CAST: variants seen among roughly 807,000 people sequenced by gnomAD.
CAST encodes the protein calpastatin.
A neutral mutation model predicts 119.6 loss-of-function variants in CAST; 76 were observed. The ratio of observed to expected loss-of-function variants is 0.64; its 90% confidence interval spans 0.53 to 0.77. The LOEUF (loss-of-function observed/expected upper bound fraction) is 0.77. Ranked by LOEUF, CAST falls within the 30% of genes least tolerant of loss-of-function variation. CAST has a pLI of 0.00. For synonymous variants in CAST, 319 were observed against 331.6 expected (o/e 0.96, Z 0.41); for missense variants, 953 against 946.5 (o/e 1.01, Z -0.09).
At chr5:96,167,667 G>C in the CAST span, among the ~76,000 whole-genome samples, 1 of 152,184 alleles carries the variant, frequency 6.6e-6, no homozygotes, top group African/African-American at 2.4e-5. Flanking sequence ...TTATCAGACT[G>C]TATAGAGGTG....
intron 1 of CAST, among the ~76,000 whole-genome samples, chr5:96,646,104 A>G (rs922302402): frequency 6.6e-6 from 1 of 152,074 alleles, no homozygotes; most frequent in Admixed American, 6.5e-5. Flanking sequence ...ATTACATTAC[A>G]AAGATAAAAA....
chr5:96,626,125 C>T (rs10515240), intron 1 of CAST, among the ~76,000 whole-genome samples: 17,362 of 152,156 alleles, frequency 0.11, 1,394 homozygotes, highest in East Asian at 0.29. Flanking sequence ...TCTGCTTCTC[C>T]AATAAGGACT....
the CAST span, among the ~76,000 whole-genome samples, chr5:96,248,259 C>T: frequency 1.3e-5 from 2 of 152,208 alleles, no homozygotes; most frequent in African/African-American, 4.8e-5. Context: ...ACTTGATGCA[C>T]ACTGGCTGAG....
chr5:96,215,999 G>T, the CAST span, among the ~76,000 whole-genome samples: 27 of 152,146 alleles, frequency 1.8e-4, no homozygotes, highest in Admixed American at 6.5e-4. Context: ...GTAGAGATGG[G>T]TTTTTTCCAT....
At chr5:96,162,646 G>A in the CAST span, among the ~76,000 whole-genome samples, 1 of 152,114 alleles carries the variant, frequency 6.6e-6, no homozygotes, top group Non-Finnish European at 1.5e-5. Flanking sequence ...TCGAACTCCT[G>A]ACCCGAGGTA....
chr5:96,492,930 G>A, the CAST span, among the ~76,000 whole-genome samples: 1 of 152,206 alleles, frequency 6.6e-6, no homozygotes, highest in African/African-American at 2.4e-5. Flanking sequence ...ATAACAGGAC[G>A]ATTGACTTGG....
intron 1 of CAST, among the ~76,000 whole-genome samples, chr5:96,620,774 A>G (rs113303518): frequency 3.7e-4 from 56 of 152,346 alleles, no homozygotes; most frequent in African/African-American, 9.4e-4. Context: ...GCTTAAATGT[A>G]TTGGCATAGC....
chr5:96,437,593 A>AAT, the CAST span, among the ~76,000 whole-genome samples: 3 of 152,198 alleles, frequency 2.0e-5, no homozygotes, highest in Non-Finnish European at 4.4e-5. Flanking sequence ...AGTGACCTTG[A>AAT]ATATTATACA....
At position 96,736,232 on chromosome 5, in the gene CAST, T is replaced by A. The variant is rs1253612716; in HGVS notation, c.691T>A (p.Ser231Thr). 5 of 1,607,012 alleles carry A rather than the reference T, an allele frequency of 3.1e-6. No homozygotes were observed. Among genetic ancestry groups the A allele is most frequent in the Non-Finnish European group, 8.5e-7 (1 of 1,174,356 alleles). The change falls in exon 10 of 32, where the codon TCG (serine) becomes ACG (threonine). Residue 231 changes from serine (S) to threonine (T), a missense_variant. Physicochemically the swap from Ser to Thr is moderately conservative, Grantham distance 58. Transcript: ENST00000675179. ...VPVESKPDKPSGKSGMDAALD... is the reference protein window; with the variant it reads ...VPVESKPDKPTGKSGMDAALD... ...AGTTGAATCTAAACCGGATAAACCATCGGGAAAGGTATGAAGACAACAGTG... is the reference window on the plus strand; with the variant it reads ...AGTTGAATCTAAACCGGATAAACCAACGGGAAAGGTATGAAGACAACAGTG...
At chr5:96,101,126 G>C in the CAST span, among the ~76,000 whole-genome samples, 1 of 152,258 alleles carries the variant, frequency 6.6e-6, no homozygotes, top group African/African-American at 2.4e-5. Context: ...GCCCAGGATG[G>C]TCTTAAACTC....
At chr5:96,085,866 A>G in the CAST span, among the ~76,000 whole-genome samples, 2 of 152,302 alleles carry the variant, frequency 1.3e-5, no homozygotes, top group Non-Finnish European at 2.9e-5. Flanking sequence ...TCCAGAACTC[A>G]TTTACAGTAT....
the CAST span, among the ~76,000 whole-genome samples, chr5:96,066,470 G>C: frequency 6.9e-6 from 1 of 145,620 alleles, no homozygotes; most frequent in South Asian, 2.2e-4. Flanking sequence ...TCTCTAGCTT[G>C]TTTTGAGCCA....
the CAST span, among the ~76,000 whole-genome samples, chr5:96,409,699 A>G: frequency 6.6e-6 from 1 of 152,222 alleles, no homozygotes; most frequent in African/African-American, 2.4e-5. Flanking sequence ...GGCTCTGAAG[A>G]CAAGTGGGGC....
intron 9 of CAST, among the ~76,000 whole-genome samples, chr5:96,735,599 G>A (rs926201208): frequency 2.6e-5 from 4 of 152,220 alleles, no homozygotes; most frequent in Admixed American, 2.6e-4. Flanking sequence ...GGTGGCAATG[G>A]GGAGGGAGAG....
chr5:96,108,750 ACC>A, the CAST span, among the ~76,000 whole-genome samples: 6 of 152,228 alleles, frequency 3.9e-5, no homozygotes, highest in Non-Finnish European at 1.5e-5. Context: ...GGTGGGCTCC[ACC>A]CAGTTGGAGC....
At chr5:96,600,498 C>T (rs903663029) in intron 1 of CAST, among the ~76,000 whole-genome samples, 2 of 152,034 alleles carry the variant, frequency 1.3e-5, no homozygotes, top group East Asian at 3.9e-4. Flanking sequence ...GTCACAGAAA[C>T]GGAGAAAGAG....
the CAST span, among the ~76,000 whole-genome samples, chr5:96,256,710 C>G: frequency 6.6e-6 from 1 of 151,568 alleles, no homozygotes; most frequent in African/African-American, 2.4e-5. Flanking sequence ...TGCAGTTGAT[C>G]GAAATGTCAT....
chr5:96,118,868 T>C, the CAST span, among the ~76,000 whole-genome samples: 2 of 152,038 alleles, frequency 1.3e-5, no homozygotes, highest in East Asian at 1.9e-4. Flanking sequence ...GTGACTCTTT[T>C]AGCTAAGTTC....
the CAST span, among the ~76,000 whole-genome samples, chr5:96,322,699 T>C: frequency 4.6e-5 from 7 of 152,184 alleles, no homozygotes; most frequent in South Asian, 2.1e-4. Context: ...GAGACCCCAT[T>C]GTTTGCTTTT....
Sources: gnomAD v4.1 joint callset for allele counts (sites outside exome capture counted in the v4.1 genomes callset) on GRCh38, gnomAD v4.1.1 for gene constraint, MANE v1.5 for transcripts, NCBI Gene and HGNC (gene_info 2026-07-23, HGNC 2026-07-21) for gene names.